Variants in RACK1 observed in about 807,000 individuals in gnomAD.
The protein encoded by RACK1 is small ribosomal subunit protein RACK1.
Under a neutral mutation model 42.2 loss-of-function variants are expected in RACK1, and 3 were observed. The ratio of observed to expected loss-of-function variants is 0.07; its 90% CI spans 0.03 to 0.18. The LOEUF is 0.18. Ranked by LOEUF, RACK1 falls within the 10% of genes least tolerant of loss-of-function variation. The probability of loss-of-function intolerance (pLI) is 1.00; values close to 1 mark genes in which losing one functional copy is unlikely to be tolerated. For missense variants in RACK1, 146 were observed against 403.2 expected, an observed-to-expected ratio of 0.36 and a Z score of 5.46; for synonymous variants, 181 against 154.8, an observed-to-expected ratio of 1.17 and a Z score of -1.25.
rs1039461339 is a variant in RACK1, at chr5:181,239,605, T to C, written c.430-23A>G. The C allele has an allele frequency of 5.3e-6, 8 of 1,504,210 alleles. No individual in the cohort carries two copies. In the African/African-American group the frequency reaches 5.5e-5, roughly 10 times the overall value. 93.2% of individuals were successfully genotyped at this position (1,504,210 alleles called of 1,614,324 possible). A position where few individuals can be genotyped will look rare whatever the true frequency, so the allele number is the denominator to read the frequency against. On this transcript the variant is annotated intron_variant, in intron 3 of 7. Coordinates refer to ENST00000512805, the MANE Select transcript of RACK1 (RefSeq NM_006098.5). ...ATCCTACAGAAGATGGAAAGGAAAT[T>C]AGGGCAAACAGTCCTATCCCATGAA...
At chr5:181,238,980 T>C in intron 5 of RACK1, 87 bp downstream of exon 5, 1 of 848,630 alleles carries the variant, frequency 1.2e-6, no homozygotes, top group East Asian at 2.4e-5. Flanking sequence ...TGGCTAATGT[T>C]TGCCATTTTA....
At chr5:181,238,451 AC>A (rs1279349789) in intron 5 of RACK1, 15 of 534,140 alleles carry the variant, frequency 2.8e-5, no homozygotes, top group Non-Finnish European at 4.7e-5. Flanking sequence ...CTCCCAACTT[AC>A]ATAAATCACT....
At position 181,238,247 on chromosome 5, in the gene RACK1, CAGGTA is replaced by C. The variant is rs1232754668; in HGVS notation, c.637-13_637-9del. 6.2e-7 allele frequency: 1 copy of C among 1,613,850 alleles called. No individual in the cohort carries two copies. The highest frequency in any genetic ancestry group is 1.3e-5 in the African/African-American group (1 of 74,912). On this transcript the variant is annotated splice_polypyrimidine_tract_variant and intron_variant, in intron 5 of 7. Coordinates refer to ENST00000512805, the MANE Select transcript of RACK1 (RefSeq NM_006098.5). ...TAACATGGCCTGGCCATCCTGGACA[CAGGTA>C]AGGTAAATCAGGACACTGTGACCTC...
chr5:181,243,455 C>A (rs745791011), intron 1 of RACK1: 12 of 1,495,860 alleles, frequency 8.0e-6, no homozygotes, highest in South Asian at 1.3e-5. Flanking sequence ...ACTCTCCAAC[C>A]CTCCTAGCAG....
rs1376554589 is a variant in RACK1 at position 181,241,604 on chromosome 5, T to C, written c.317A>G (p.Lys106Arg). Residue 106 changes from lysine to arginine, a missense_variant, in exon 3 of 8, where the codon AAG (lysine) becomes AGG (arginine). By Grantham distance (26) the Lys-to-Arg change is conservative. Transcript: ENST00000512805. ...TTTRRFVGHT[K>R]DVLSVAFSSD... ...GGAGAAGGCCACACTCAGCACATCC[T>C]TGGTATGGCCCACAAATCGCCTCGT... is the stretch of plus-strand genomic sequence containing the variant. The C allele has an allele frequency of 1.2e-6, 2 of 1,614,008 alleles. No homozygotes were observed. Among genetic ancestry groups the C allele is most frequent in the Non-Finnish European group, 1.7e-6 (2 of 1,180,030 alleles).
At position 181,241,486 on chromosome 5, in the gene RACK1, C is replaced by T. The variant is rs1759345720; in HGVS notation, c.429+6G>A. ...GGAAGAGATCCTTGGAGATGGCTCACTTTACCTGGACAGTGTATTTGCACA... is the reference window on the plus strand; with the variant it reads ...GGAAGAGATCCTTGGAGATGGCTCATTTTACCTGGACAGTGTATTTGCACA... On this transcript the variant is annotated splice_donor_region_variant and intron_variant, in intron 3 of 7. Transcript: ENST00000512805. The T allele has an allele frequency of 1.2e-6, 2 of 1,601,692 alleles. No homozygotes were observed. The highest frequency in any genetic ancestry group is 1.4e-5 in the African/African-American group (1 of 72,910).
At position 181,237,048 on chromosome 5, in the gene RACK1, G is replaced by C; in HGVS notation, c.889-6C>G. 1 of 1,613,712 alleles carries C rather than the reference G, an allele frequency of 6.2e-7. No homozygotes were observed. Among genetic ancestry groups the C allele is most frequent in the Non-Finnish European group, 8.5e-7 (1 of 1,179,896 alleles). ...GTGTAGCCAGCAAACAGAGTCTGCAGGGAAGAAATGACAGTGACAGGTCAG... is the reference window on the plus strand; with the variant it reads ...GTGTAGCCAGCAAACAGAGTCTGCACGGAAGAAATGACAGTGACAGGTCAG... On this transcript the variant is annotated splice_polypyrimidine_tract_variant and splice_region_variant and intron_variant, in intron 7 of 7. Transcript: ENST00000512805.
At chr5:181,237,397 C>T in intron 7 of RACK1, 2 of 691,698 alleles carry the variant, frequency 2.9e-6, no homozygotes, top group Admixed American at 4.1e-5. Context: ...TAATTGAAGG[C>T]TGACAGCCAC....
intron 2 of RACK1, 103 bp downstream of exon 2, chr5:181,242,071 C>A (rs759974310): frequency 7.3e-5 from 77 of 1,054,800 alleles, no homozygotes; most frequent in Non-Finnish European, 1.1e-4. Context: ...CTTTCCAGTT[C>A]CCAAATGGAC....
At chr5:181,239,324 A>G (rs1759256686) in intron 4 of RACK1, 147 bp from the exon 5 acceptor site, 2 of 761,286 alleles carry the variant, frequency 2.6e-6, no homozygotes, top group South Asian at 2.8e-5. Flanking sequence ...AGATTATAAC[A>G]CATATCCAAT....
intron 1 of RACK1, chr5:181,243,340 C>T (rs1173382296): frequency 7.3e-7 from 1 of 1,372,104 alleles, no homozygotes; most frequent in Non-Finnish European, 9.7e-7. Context: ...TGGATTTCAG[C>T]ACCGACACTC....
chr5:181,238,222 T>C lies in RACK1; in HGVS notation c.654A>G (p.Leu218=), dbSNP rs1468107222. 3.7e-6 allele frequency: 6 copies of C among 1,613,736 alleles called. No individual in the cohort carries two copies. In the African/African-American group the frequency reaches 5.3e-5, roughly 14 times the overall value. The change falls in exon 6 of 8, where the codon TTA becomes TTG. Residue 218 remains leucine (L), a synonymous_variant. Coordinates refer to ENST00000512805, the MANE Select transcript of RACK1 (RefSeq NM_006098.5). ...GGTGTTTGCCTTCGTTGAGATCCCA[T>C]AACATGGCCTGGCCATCCTGGACAC... ...ASGGKDGQAM[L]WDLNEGKHLY...
rs745899160 is a variant in RACK1, at chr5:181,237,066, C to G, written c.889-24G>C. The G allele has an allele frequency of 2.5e-6, 4 of 1,612,410 alleles. No homozygotes were observed. The South Asian group carries it at 4.4e-5, about 18-fold the overall frequency. On this transcript the variant is annotated intron_variant, in intron 7 of 7. Coordinates refer to ENST00000512805, the MANE Select transcript of RACK1 (RefSeq NM_006098.5). ...GTCTGCAGGGAAGAAATGACAGTGA[C>G]AGGTCAGGCTGGCATAAATTCTGCA... is the stretch of plus-strand genomic sequence containing the variant.
At position 181,241,913 on chromosome 5, in the gene RACK1, T is replaced by C. The variant is rs764210871; in HGVS notation, c.281+261A>G. On this transcript the variant is annotated intron_variant, in intron 2 of 7. Coordinates refer to ENST00000512805, the MANE Select transcript of RACK1 (RefSeq NM_006098.5). ...GGACCCTCTAATTCCACCTGCCAAT[T>C]ACCTGAGCTTTCAAGGTAAAACATG... 5 of 766,406 alleles carry C rather than the reference T, an allele frequency of 6.5e-6. No homozygotes were observed. In the East Asian group the frequency reaches 7.3e-5, roughly 11 times the overall value. 47.5% of individuals were successfully genotyped at this position (766,406 alleles called of 1,614,324 possible). A position where few individuals can be genotyped will look rare whatever the true frequency, so the allele number is the denominator to read the frequency against.
chr5:181,243,847 G>C lies in RACK1; in HGVS notation c.-47C>G. On this transcript the variant is annotated 5_prime_UTR_variant, in exon 1 of 8. The change creates a new upstream start codon in the 5' untranslated region. Coordinates refer to ENST00000512805, the MANE Select transcript of RACK1 (RefSeq NM_006098.5). ...CGCTGCAGCGACGAGGATGGCACTG[G>C]ATGGCTTAGAGAAACTAGCACCACA... 6.4e-7 allele frequency: 1 copy of C among 1,556,922 alleles called. No homozygotes were observed. Among genetic ancestry groups the C allele is most frequent in the Non-Finnish European group, 8.7e-7 (1 of 1,150,434 alleles).
At position 181,237,553 on chromosome 5, in the gene RACK1, TGA is replaced by T. The variant is rs755346734; in HGVS notation, c.888+54_888+55del. 2.5e-5 allele frequency: 23 copies of T among 912,796 alleles called. 1 individual carries two copies. The highest frequency in any genetic ancestry group is 1.4e-4 in the South Asian group (11 of 77,128). 56.5% of individuals were successfully genotyped at this position (912,796 alleles called of 1,614,324 possible). A position where few individuals can be genotyped will look rare whatever the true frequency, so the allele number is the denominator to read the frequency against. ...TGACAGACTAGATATACTAACAGAA[TGA>T]GAGGGAGAAAATTAACTGGAAGCAG... On this transcript the variant is annotated intron_variant, in intron 7 of 7. Transcript: ENST00000512805.
chr5:181,242,012 A>T, intron 2 of RACK1, 162 bp downstream of exon 2: 1 of 788,184 alleles, frequency 1.3e-6, no homozygotes, highest in East Asian at 2.4e-5. Flanking sequence ...AATGCTGAGT[A>T]ACTTATTTAA....
chr5:181,240,182 T>C lies in RACK1; in HGVS notation c.430-600A>G, dbSNP rs572825054. 5.0e-4 allele frequency: 78 copies of C among 156,740 alleles called. No individual in the cohort carries two copies. In the South Asian group the frequency reaches 0.01, roughly 21 times the overall value. 9.7% of individuals were successfully genotyped at this position (156,740 alleles called of 1,614,324 possible). A position where few individuals can be genotyped will look rare whatever the true frequency, so the allele number is the denominator to read the frequency against. ...CATCTTGGCTAACATGGTGAAACCCTGTCTCTACTAAAAATACAAAAAATT... is the reference window on the plus strand; with the variant it reads ...CATCTTGGCTAACATGGTGAAACCCCGTCTCTACTAAAAATACAAAAAATT... On this transcript the variant is annotated intron_variant, in intron 3 of 7. Coordinates refer to ENST00000512805, the MANE Select transcript of RACK1 (RefSeq NM_006098.5).
At chr5:181,239,810 C>T (rs577358339) in intron 3 of RACK1, among the ~76,000 whole-genome samples, 60 of 152,226 alleles carry the variant, frequency 3.9e-4, no homozygotes, top group African/African-American at 1.4e-3. Flanking sequence ...CCAGGGAGGG[C>T]GAGGTAAGTG....
Sources: gnomAD v4.1 joint callset for allele counts (sites outside exome capture counted in the v4.1 genomes callset) on GRCh38, gnomAD v4.1.1 for gene constraint, MANE v1.5 for transcripts, NCBI Gene and HGNC (gene_info 2026-07-23, HGNC 2026-07-21) for gene names.